The following CACNA1B variants were observed in gnomAD, a reference collection of about 807,000 sequenced individuals.
CACNA1B encodes the protein calcium voltage-gated channel subunit alpha1 B.
CACNA1B carries 70 observed loss-of-function variants against 247.2 expected under a neutral mutation model. The ratio of observed to expected loss-of-function variants is 0.28; its 90% CI spans 0.23 to 0.35. The LOEUF (loss-of-function observed/expected upper bound fraction) is 0.35, where lower values mean the gene tolerates loss of function less well. Among genes scored for constraint, CACNA1B ranks in the 10% least tolerant of loss-of-function variants. The pLI, the probability that CACNA1B is intolerant of heterozygous loss-of-function variation, is 1.00. For synonymous variants in CACNA1B, 1,231 were observed against 1,294.4 expected, an observed-to-expected ratio of 0.95 and a Z score of 1.05; for missense variants, 2,367 against 3,197.4, an observed-to-expected ratio of 0.74 and a Z score of 6.26.
At chr9:137,946,012 G>A (rs1380676215) in intron 6 of CACNA1B, among the ~76,000 whole-genome samples, 2 of 152,060 alleles carry the variant, frequency 1.3e-5, no homozygotes, top group Non-Finnish European at 2.9e-5. Flanking sequence ...AGTAGAGACA[G>A]GGTTTCACCA....
intron 6 of CACNA1B, among the ~76,000 whole-genome samples, chr9:137,945,426 C>T (rs1288233587): frequency 2.0e-5 from 3 of 152,250 alleles, no homozygotes; most frequent in Non-Finnish European, 4.4e-5. Context: ...GGGGCCCCAT[C>T]TTAGTTTGTC....
chr9:137,882,609 G>C lies in CACNA1B; in HGVS notation c.391-135G>C. 2 of 943,390 alleles carry C rather than the reference G, an allele frequency of 2.1e-6. No homozygotes were observed. The highest frequency in any genetic ancestry group is 1.6e-6 in the Non-Finnish European group (1 of 622,392). 58.4% of individuals were successfully genotyped at this position (943,390 alleles called of 1,614,324 possible). ...CTTGGAGAATCTGCAGGGTGTTGGG[G>C]GCAAGGTGAGGAGGGTCAGACCCTC... On this transcript the variant is annotated intron_variant, in intron 2 of 46. Transcript: ENST00000371372. This position sits in a 1 kb window ranked among gnomAD's most constrained non-coding sequence, Gnocchi z 4.0.
At chr9:138,074,101 G>T in intron 34 of CACNA1B, 35 bp downstream of exon 34, 1 of 1,504,908 alleles carries the variant, frequency 6.6e-7, no homozygotes, top group South Asian at 1.1e-5. Flanking sequence ...GCGTGGTTCC[G>T]GCCTCCCGTG....
At chr9:138,000,014 C>T (rs900448731) in intron 15 of CACNA1B, among the ~76,000 whole-genome samples, 2 of 151,270 alleles carry the variant, frequency 1.3e-5, no homozygotes, top group Admixed American at 6.6e-5. Flanking sequence ...GGAGTCGTAA[C>T]TATAGGAAAA....
Position 137,915,465 on chromosome 9 carries a change from T to C in CACNA1B, c.775+659T>C, listed in dbSNP as rs1295693166. 2.6e-5 allele frequency among the ~76,000 whole-genome samples: 4 copies of C among 152,112 alleles called. No individual in the cohort carries two copies. In the East Asian group the frequency reaches 7.7e-4, roughly 29 times the overall value. ...CAACAGAATTTTCTGAGAGTCTATA[T>C]GTGGGGGTAAGAGAAACAGAAGAGT... On this transcript the variant is annotated intron_variant, in intron 5 of 46. Transcript: ENST00000371372.
chr9:138,073,674 AG>A lies in CACNA1B; in HGVS notation c.4791+71del, dbSNP rs1237589468. 2.2e-6 allele frequency: 2 copies of A among 901,066 alleles called. No individual in the cohort carries two copies. The highest frequency in any genetic ancestry group is 3.3e-5 in the African/African-American group (2 of 61,096). The allele number at this position is 901,066 out of a possible 1,614,324, so 55.8% of individuals were successfully genotyped here. The stretch of plus-strand genomic sequence containing the variant: ...GTCTTGCTTCCCCTGCCCCCACCAC[AG>A]TGGCCCCTCCTTTGGGAGGCTGGGA... On this transcript the variant is annotated intron_variant, in intron 33 of 46. Transcript: ENST00000371372. This position sits in a 1 kb window ranked among gnomAD's most constrained non-coding sequence, Gnocchi z 6.4.
intron 32 of CACNA1B, among the ~76,000 whole-genome samples, chr9:138,071,521 A>C (rs1285775049): frequency 6.6e-6 from 1 of 152,090 alleles, no homozygotes; most frequent in Non-Finnish European, 1.5e-5. Context: ...GGCTGCCGTC[A>C]CCGTCTGTCT....
At chr9:138,001,587 AAAAG>A (rs1000427509) in intron 15 of CACNA1B, among the ~76,000 whole-genome samples, 3 of 152,164 alleles carry the variant, frequency 2.0e-5, no homozygotes, top group African/African-American at 7.2e-5. Context: ...GTCGTAAGAA[AAAAG>A]AAAGAAGTAA....
chr9:138,117,285 G>GA (rs911566809), intron 42 of CACNA1B, among the ~76,000 whole-genome samples: 2 of 28,326 alleles, frequency 7.1e-5, no homozygotes, highest in African/African-American at 1.0e-3. Context: ...ATTGTGGCTT[G>GA]GGGGGGGGGT....
At chr9:137,972,315 T>C (rs1958162716) in intron 11 of CACNA1B, among the ~76,000 whole-genome samples, 2 of 152,188 alleles carry the variant, frequency 1.3e-5, no homozygotes, top group Admixed American at 1.3e-4. Context: ...TTTCAGGTAG[T>C]GATTCAGCCC....
intron 3 of CACNA1B, chr9:137,892,443 C>T (rs1204344687): frequency 4.6e-6 from 2 of 439,010 alleles, no homozygotes; most frequent in Admixed American, 4.8e-5. Context: ...TGCATCATTG[C>T]ATCGTGAAAT....
rs1957884141 is a variant in CACNA1B at position 137,952,125 on chromosome 9, T to G, written c.967-149T>G. On this transcript the variant is annotated intron_variant, in intron 6 of 46. Transcript: ENST00000371372. The surrounding 1 kb of genome is among the most constrained non-coding windows in gnomAD (Gnocchi z 4.8). ...GCTGCCTGGACTCCAGCCCCATGCT[T>G]GGACCTCCCTGTGACTGGCCTCCCC... The G allele has an allele frequency of 3.1e-6, 2 of 647,640 alleles. No individual in the cohort carries two copies. The highest frequency in any genetic ancestry group is 5.6e-6 in the Non-Finnish European group (2 of 354,764). The allele number at this position is 647,640 out of a possible 1,614,324, so 40.1% of individuals were successfully genotyped here. A position where few individuals can be genotyped will look rare whatever the true frequency, so the allele number is the denominator to read the frequency against.
In CACNA1B at chr9:137,986,140, C is replaced by T. The variant is rs888485244; in HGVS notation, c.1770-273C>T. On this transcript the variant is annotated intron_variant, in intron 13 of 46. Coordinates refer to ENST00000371372, the MANE Select transcript of CACNA1B (RefSeq NM_000718.4). This position sits in a 1 kb window ranked among gnomAD's most constrained non-coding sequence, Gnocchi z 6.0. ...TTGGGCCTGGCCACCTGGATGGTGG[C>T]CTCGTCCTCCTGAACCTAGGGACAG... 1.3e-5 allele frequency among the ~76,000 whole-genome samples: 2 copies of T among 152,058 alleles called. No individual in the cohort carries two copies. Among genetic ancestry groups the T allele is most frequent in the African/African-American group, 4.8e-5 (2 of 41,390 alleles).
chr9:137,916,430 A>G (rs921273472), intron 5 of CACNA1B, among the ~76,000 whole-genome samples: 8 of 152,102 alleles, frequency 5.3e-5, no homozygotes, highest in African/African-American at 1.9e-4. Context: ...AGAGATTAGC[A>G]GTGGTTTTCT....
chr9:138,117,924 C>A, intron 42 of CACNA1B, 22 bp from the exon 43 acceptor site: 1 of 1,547,756 alleles, frequency 6.5e-7, no homozygotes, highest in Non-Finnish European at 8.8e-7. Flanking sequence ...CTACAGGAAT[C>A]TGTTTGTCTT....
At chr9:137,932,128 G>C (rs558621103) in intron 6 of CACNA1B, among the ~76,000 whole-genome samples, 1 of 152,306 alleles carries the variant, frequency 6.6e-6, no homozygotes, top group Admixed American at 6.5e-5. Flanking sequence ...GAGTCTGTCT[G>C]ATTTTGTATG....
intron 6 of CACNA1B, among the ~76,000 whole-genome samples, chr9:137,922,912 T>A (rs1289170787): frequency 2.0e-5 from 3 of 152,032 alleles, no homozygotes; most frequent in Non-Finnish European, 4.4e-5. Flanking sequence ...CTGCTGCCCT[T>A]TTGTGGTCAC....
At chr9:138,104,849 G>A (rs1205699054) in intron 38 of CACNA1B, among the ~76,000 whole-genome samples, 1 of 152,248 alleles carries the variant, frequency 6.6e-6, no homozygotes, top group East Asian at 1.9e-4. Context: ...CCTCCTTGGG[G>A]CCTCTTCAGT....
Position 138,100,649 on chromosome 9 carries a change from G to A in CACNA1B, c.5223-2062G>A, listed in dbSNP as rs1468518423. On this transcript the variant is annotated intron_variant, in intron 37 of 46. Coordinates refer to ENST00000371372, the MANE Select transcript of CACNA1B (RefSeq NM_000718.4). This position sits in a 1 kb window ranked among gnomAD's most constrained non-coding sequence, Gnocchi z 4.6. ...AGAGGAGGTCCTTAGCTGGACCAGG[G>A]CTTCCAGGGGAGGACACAGAGTGTT... 1.3e-5 allele frequency among the ~76,000 whole-genome samples: 2 copies of A among 152,170 alleles called. No homozygotes were observed. Among genetic ancestry groups the A allele is most frequent in the Non-Finnish European group, 2.9e-5 (2 of 68,040 alleles).
Sources: allele counts gnomAD v4.1 joint callset (sites outside exome capture counted in the v4.1 genomes callset), GRCh38; gene constraint gnomAD v4.1.1; non-coding constraint Gnocchi (gnomAD v3.1); transcripts MANE v1.5; gene names NCBI Gene and HGNC (gene_info 2026-07-23, HGNC 2026-07-21).